LPP: variants seen among roughly 807,000 people sequenced by gnomAD.
The protein encoded by LPP is lipoma-preferred partner.
LPP carries 38 observed loss-of-function variants against 60.4 expected under a neutral mutation model. The ratio of observed to expected loss-of-function variants is 0.63; its 90% CI spans 0.49 to 0.83. The LOEUF is 0.83. LPP is among the 40% of genes least tolerant of loss of function. The pLI, the probability that LPP is intolerant of heterozygous loss-of-function variation, is 0.00. For synonymous variants in LPP, 328 were observed against 290.8 expected (o/e 1.13, Z -1.30); for missense variants, 902 against 783.6 (o/e 1.15, Z -1.80).
At chr3:188,407,593 G>T (rs1024386997) in intron 4 of LPP, among the ~76,000 whole-genome samples, 3 of 152,076 alleles carry the variant, frequency 2.0e-5, no homozygotes, top group Non-Finnish European at 2.9e-5. Context: ...AGCACTCCAT[G>T]ATGTTTTATT....
intron 1 of LPP, chr3:188,180,668 TC>T (rs1311930630): frequency 4.6e-5 from 7 of 153,566 alleles, no homozygotes; most frequent in African/African-American, 1.7e-4. Context: ...TTTCTAATAT[TC>T]TTTCTTTAGT....
chr3:188,675,618 T>C (rs566684713), intron 7 of LPP, among the ~76,000 whole-genome samples: 2 of 152,348 alleles, frequency 1.3e-5, no homozygotes, highest in Admixed American at 6.5e-5. Flanking sequence ...AGTGGCTTTA[T>C]AGCCTTAGAC....
intron 4 of LPP, among the ~76,000 whole-genome samples, chr3:188,418,650 T>C (rs1393377890): frequency 6.6e-6 from 1 of 152,154 alleles, no homozygotes; most frequent in African/African-American, 2.4e-5. Context: ...ATTTGAAGGT[T>C]AAGGTCATCC....
chr3:188,803,179 G>A (rs149357587), intron 9 of LPP, among the ~76,000 whole-genome samples: 4 of 151,642 alleles, frequency 2.6e-5, no homozygotes, highest in African/African-American at 9.7e-5. Context: ...CAAGTAGCTG[G>A]GATTACAGGC....
Position 188,866,336 on chromosome 3 carries a change from T to C in LPP, c.1547T>C (p.Val516Ala), listed in dbSNP as rs778838122. 6.3e-7 allele frequency: 1 copy of C among 1,576,870 alleles called. No homozygotes were observed. ...AGCCTGGATGGGATCCCATTCACTG[T>C]GGATGCTGGCGGGCTCATTCACTGC... ...HRSLDGIPFT[V>A]DAGGLIHCIE... Residue 516 changes from valine (V) to alanine (A), a missense_variant, in exon 10 of 12, where the codon GTG becomes GCG. Val to Ala is a moderately conservative substitution (Grantham distance 64). Coordinates refer to ENST00000617246, the MANE Select transcript of LPP (RefSeq NM_001375462.1).
At chr3:188,408,909 A>G (rs980536812) in intron 4 of LPP, among the ~76,000 whole-genome samples, 5 of 152,116 alleles carry the variant, frequency 3.3e-5, no homozygotes, top group African/African-American at 1.2e-4. Flanking sequence ...AGCAAACCCC[A>G]TATTACAGTG....
intron 7 of LPP, among the ~76,000 whole-genome samples, chr3:188,636,877 G>A (rs1474390887): frequency 6.8e-6 from 1 of 147,410 alleles, no homozygotes; most frequent in East Asian, 1.9e-4. Flanking sequence ...CTAACAAACA[G>A]AAAGGACATC....
intron 2 of LPP, among the ~76,000 whole-genome samples, chr3:188,314,068 T>A (rs963080335): frequency 2.0e-5 from 3 of 152,202 alleles, no homozygotes; most frequent in Non-Finnish European, 4.4e-5. Context: ...CTGCCAATAA[T>A]TTATCCTTTC....
rs751469011 is a variant in LPP at position 188,522,099 on chromosome 3, T to C, written c.307-2566T>C. Among the ~76,000 whole-genome samples, 55 of 152,320 alleles carry C rather than the reference T, an allele frequency of 3.6e-4. 1 individual carries two copies. Among genetic ancestry groups the C allele is most frequent in the African/African-American group, 2.6e-4 (11 of 41,578 alleles). ...GATATAAACATGAAATCTCCTCTGA[T>C]AGAGGGATTAGCACCTTGAAAACAT... On this transcript the variant is annotated intron_variant, in intron 5 of 11. Coordinates refer to ENST00000617246, the MANE Select transcript of LPP (RefSeq NM_001375462.1).
At chr3:188,300,932 T>C (rs1221604303) in intron 2 of LPP, among the ~76,000 whole-genome samples, 2 of 152,058 alleles carry the variant, frequency 1.3e-5, no homozygotes, top group Non-Finnish European at 2.9e-5. Flanking sequence ...TGAGAGGAGA[T>C]TTTTCTACTA....
chr3:188,703,938 G>A (rs1014091788), intron 7 of LPP, among the ~76,000 whole-genome samples: 1 of 152,144 alleles, frequency 6.6e-6, no homozygotes, highest in African/African-American at 2.4e-5. Context: ...ACTGATATTA[G>A]GTTGAGACAA....
chr3:188,674,427 A>G (rs1006402666), intron 7 of LPP, among the ~76,000 whole-genome samples: 1 of 151,930 alleles, frequency 6.6e-6, no homozygotes, highest in African/African-American at 2.4e-5. Flanking sequence ...TCCTTCTCCA[A>G]TCTGCCTTGG....
chr3:188,872,395 A>T (rs1434564772), intron 10 of LPP, among the ~76,000 whole-genome samples: 1 of 152,188 alleles, frequency 6.6e-6, no homozygotes, highest in Non-Finnish European at 1.5e-5. Flanking sequence ...CGCACCATGC[A>T]GGAAAGAGAT....
chr3:188,622,074 T>A (rs1845907221), intron 7 of LPP, among the ~76,000 whole-genome samples: 1 of 152,150 alleles, frequency 6.6e-6, no homozygotes, highest in Non-Finnish European at 1.5e-5. Context: ...ATCAGTTGGG[T>A]TAACAAGAGC....
chr3:188,526,380 C>T (rs1243403030), intron 6 of LPP, among the ~76,000 whole-genome samples: 3 of 152,088 alleles, frequency 2.0e-5, no homozygotes, highest in African/African-American at 7.2e-5. Flanking sequence ...CTGAAACCTC[C>T]ACCTCCTGAG....
chr3:188,756,323 G>C (rs914222675), intron 8 of LPP, among the ~76,000 whole-genome samples: 3 of 152,190 alleles, frequency 2.0e-5, no homozygotes, highest in African/African-American at 7.2e-5. Context: ...CCGGCCCTCT[G>C]TCATCGGATC....
chr3:188,715,835 C>T (rs895473425), intron 8 of LPP, among the ~76,000 whole-genome samples: 8 of 152,184 alleles, frequency 5.3e-5, no homozygotes, highest in African/African-American at 1.7e-4. Flanking sequence ...AATATTCTGG[C>T]TGAGGAGCCC....
At chr3:188,275,093 T>C (rs1739190328) in intron 2 of LPP, among the ~76,000 whole-genome samples, 1 of 152,184 alleles carries the variant, frequency 6.6e-6, no homozygotes, top group African/African-American at 2.4e-5. Context: ...CAGCATGTGG[T>C]GGTCTTAAGA....
intron 9 of LPP, among the ~76,000 whole-genome samples, chr3:188,792,291 A>C (rs1335002163): frequency 6.6e-6 from 1 of 152,200 alleles, no homozygotes; most frequent in African/African-American, 2.4e-5. Flanking sequence ...TTTCAGCTCC[A>C]ATCAGATGGA....
Sources: gnomAD v4.1 joint callset for allele counts (sites outside exome capture counted in the v4.1 genomes callset) on GRCh38, gnomAD v4.1.1 for gene constraint, MANE v1.5 for transcripts, NCBI Gene and HGNC (gene_info 2026-07-23, HGNC 2026-07-21) for gene names.